The following CMC2 variants were observed in gnomAD, a reference collection of about 807,000 sequenced individuals.
CMC2 encodes C-X9-C motif containing 2.
A neutral mutation model predicts 7.5 loss-of-function variants in CMC2; 5 were observed. That is an observed-to-expected ratio of 0.66 (90% CI 0.35 to 1.40). The LOEUF (loss-of-function observed/expected upper bound fraction) is 1.40. CMC2 is among the 40% of genes most tolerant of loss of function. The pLI is 0.04. For synonymous variants in CMC2, 37 were observed against 31.4 expected, an observed-to-expected ratio of 1.18 and a Z score of -0.60; for missense variants, 115 against 92.3, an observed-to-expected ratio of 1.25 and a Z score of -1.01.
chr16:80,998,223 GC>G (rs764786071), intron 1 of CMC2: 15 of 151,436 alleles, frequency 9.9e-5, no homozygotes, highest in Admixed American at 6.6e-4. Flanking sequence ...GAGCTACCGT[GC>G]CCCACCTGGG....
In CMC2 at chr16:80,969,561, A is replaced by AC. The variant is rs1911776892; in HGVS notation, c.*6531_*6532insG. 1 of 145,046 alleles carries AC rather than the reference A, an allele frequency of 6.9e-6. No individual in the cohort carries two copies. Among genetic ancestry groups the AC allele is most frequent in the African/African-American group, 2.7e-5 (1 of 36,852 alleles). The allele number at this position is 145,046 out of a possible 1,614,324, so 9.0% of individuals were successfully genotyped here. A position where few individuals can be genotyped will look rare whatever the true frequency, so the allele number is the denominator to read the frequency against. Reference sequence around the variant, plus strand: ...AAAGTGAGGAGGAACTGCAGGGAGCAGAAAAAAAATTGAACAGGATAGGGA... The same window carrying AC: ...AAAGTGAGGAGGAACTGCAGGGAGCACGAAAAAAAATTGAACAGGATAGGGA... On this transcript the variant is annotated 3_prime_UTR_variant, in exon 4 of 4. Coordinates refer to ENST00000219400, the MANE Select transcript of CMC2 (RefSeq NM_020188.5).
chr16:80,997,510 G>T, intron 1 of CMC2, 81 bp from the exon 2 acceptor site: 11 of 716,082 alleles, frequency 1.5e-5, no homozygotes, highest in Non-Finnish European at 2.4e-5. Flanking sequence ...AACCTCTAGT[G>T]ACCTTTATCA....
At chr16:80,977,163 C>T (rs974425804) in intron 3 of CMC2, among the ~76,000 whole-genome samples, 1 of 152,180 alleles carries the variant, frequency 6.6e-6, no homozygotes, top group Non-Finnish European at 1.5e-5. Context: ...GAACAGTTAA[C>T]AAACCTGATA....
Position 80,978,399 on chromosome 16 carries a change from G to T in CMC2, c.154-2220C>A, listed in dbSNP as rs1266880387. 11 of 1,265,160 alleles carry T rather than the reference G, an allele frequency of 8.7e-6. No individual in the cohort carries two copies. The East Asian group carries it at 1.7e-4, about 20-fold the overall frequency. The allele number at this position is 1,265,160 out of a possible 1,614,324, so 78.4% of individuals were successfully genotyped here. On this transcript the variant is annotated intron_variant, in intron 3 of 3. Transcript: ENST00000219400. ...TAAAATATGCTAAGACATCTCCAAA[G>T]GAAGTCCAGATGGTCCCTGAATAAA...
At chr16:80,977,007 C>CATAG (rs1225205955) in intron 3 of CMC2, among the ~76,000 whole-genome samples, 1 of 151,710 alleles carries the variant, frequency 6.6e-6, no homozygotes, top group Non-Finnish European at 1.5e-5. Context: ...CAATGACAGA[C>CATAG]ATAGACTACA....
Position 80,966,707 on chromosome 16 carries a change from T to G in CMC2, c.*9386A>C, listed in dbSNP as rs1338219647. The G allele has an allele frequency of 6.6e-6, 1 of 152,242 alleles. No homozygotes were observed. The highest frequency in any genetic ancestry group is 1.5e-5 in the Non-Finnish European group (1 of 68,038). The allele number at this position is 152,242 out of a possible 1,614,324, so 9.4% of individuals were successfully genotyped here. On this transcript the variant is annotated 3_prime_UTR_variant, in exon 4 of 4. Transcript: ENST00000219400. Reference sequence around the variant, plus strand: ...TATTGTATTTGAACAACACTTATAATCATTTCCTTTCTGTGGTTATAAAAT... The same window carrying G: ...TATTGTATTTGAACAACACTTATAAGCATTTCCTTTCTGTGGTTATAAAAT...
At chr16:80,997,598 T>C (rs890708511) in intron 1 of CMC2, 169 bp from the exon 2 acceptor site, 3 of 466,782 alleles carry the variant, frequency 6.4e-6, no homozygotes, top group Admixed American at 7.7e-5. Flanking sequence ...TCTAATTCAA[T>C]GATTTAAGAT....
intron 2 of CMC2, among the ~76,000 whole-genome samples, chr16:80,996,038 C>G (rs1968391394): frequency 6.6e-6 from 1 of 151,666 alleles, no homozygotes; most frequent in African/African-American, 2.4e-5. Flanking sequence ...AAATAGATTT[C>G]AATTTAAAAA....
chr16:80,985,901 C>CAAAAAAAAAAAAAAAAAAAAAA (rs57915291), intron 2 of CMC2, among the ~76,000 whole-genome samples: 2 of 104,998 alleles, frequency 1.9e-5, no homozygotes, highest in African/African-American at 3.5e-5. Context: ...CATATACCTG[C>CAAAAAAAAAAAAAAAAAAAAAA]AAAAAAAAAA....
intron 2 of CMC2, among the ~76,000 whole-genome samples, chr16:80,988,751 G>GT (rs963726174): frequency 6.6e-6 from 1 of 151,372 alleles, no homozygotes; most frequent in Non-Finnish European, 1.5e-5. Context: ...AGTTGGGTGG[G>GT]TTTTTTTTCC....
chr16:81,006,120 A>C (rs1969305446), intron 1 of CMC2, among the ~76,000 whole-genome samples: 1 of 152,232 alleles, frequency 6.6e-6, no homozygotes, highest in Admixed American at 6.5e-5. Flanking sequence ...AAACTGATTT[A>C]CTTAAGACTC....
chr16:80,978,249 C>G, intron 3 of CMC2: 1 of 1,059,132 alleles, frequency 9.4e-7, no homozygotes, highest in South Asian at 2.8e-5. Flanking sequence ...TACCTTTAAT[C>G]ACGTCTACTG....
At chr16:80,979,943 G>T (rs1366139362) in intron 3 of CMC2, among the ~76,000 whole-genome samples, 2 of 151,284 alleles carry the variant, frequency 1.3e-5, no homozygotes, top group African/African-American at 4.9e-5. Context: ...TTAGAGATAG[G>T]GTCTCACTCT....
intron 3 of CMC2, among the ~76,000 whole-genome samples, chr16:80,977,414 G>C (rs1912531918): frequency 6.6e-6 from 1 of 152,210 alleles, no homozygotes; most frequent in African/African-American, 2.4e-5. Flanking sequence ...AAAGGTGGAT[G>C]AGTGTGTTTT....
rs1212899637 is a variant in CMC2, at chr16:80,974,467, C to T, written c.*1626G>A. 2 of 152,156 alleles carry T rather than the reference C, an allele frequency of 1.3e-5. No individual in the cohort carries two copies. The highest frequency in any genetic ancestry group is 1.5e-5 in the Non-Finnish European group (1 of 68,042). 9.4% of individuals were successfully genotyped at this position (152,156 alleles called of 1,614,324 possible). A position where few individuals can be genotyped will look rare whatever the true frequency, so the allele number is the denominator to read the frequency against. On this transcript the variant is annotated 3_prime_UTR_variant, in exon 4 of 4. Coordinates refer to ENST00000219400, the MANE Select transcript of CMC2 (RefSeq NM_020188.5). Reference sequence around the variant, plus strand: ...CATCACAGCACTGAAAATAAAATTCCAACAGATTTCAAAGCTGTCTATGAT... The same window carrying T: ...CATCACAGCACTGAAAATAAAATTCTAACAGATTTCAAAGCTGTCTATGAT...
chr16:80,993,084 G>A (rs561405856), intron 2 of CMC2, among the ~76,000 whole-genome samples: 36 of 152,156 alleles, frequency 2.4e-4, no homozygotes, highest in African/African-American at 8.4e-4. Context: ...CCCATTAGTT[G>A]ATTCATATGT....
intron 3 of CMC2, among the ~76,000 whole-genome samples, chr16:80,977,175 T>C (rs999718914): frequency 5.3e-5 from 8 of 152,186 alleles, no homozygotes; most frequent in African/African-American, 1.9e-4. Flanking sequence ...AACCTGATAC[T>C]CCTCAAATCC....
chr16:80,970,982 A>G lies in CMC2; in HGVS notation c.*5111T>C, dbSNP rs1429533832. The G allele has an allele frequency of 5.3e-5, 8 of 152,174 alleles. No homozygotes were observed. The highest frequency in any genetic ancestry group is 1.9e-4 in the African/African-American group (8 of 41,440). The allele number at this position is 152,174 out of a possible 1,614,324, so 9.4% of individuals were successfully genotyped here. A position where few individuals can be genotyped will look rare whatever the true frequency, so the allele number is the denominator to read the frequency against. ...AACCCTATCTCTACTAAAAAATACA[A>G]AAATTAGCAGGGCATGGTGGCACAT... On this transcript the variant is annotated 3_prime_UTR_variant, in exon 4 of 4. Transcript: ENST00000219400.
chr16:80,985,982 A>C (rs1967499099), intron 2 of CMC2, among the ~76,000 whole-genome samples: 1 of 151,728 alleles, frequency 6.6e-6, no homozygotes, highest in Non-Finnish European at 1.5e-5. Context: ...CTCAAGGATG[A>C]GTTTCATTAA....
Sources: gnomAD v4.1 joint callset for allele counts (sites outside exome capture counted in the v4.1 genomes callset) on GRCh38, gnomAD v4.1.1 for gene constraint, MANE v1.5 for transcripts, NCBI Gene and HGNC (gene_info 2026-07-23, HGNC 2026-07-21) for gene names.